ECPAS: variants seen among roughly 807,000 people sequenced by gnomAD.
ECPAS encodes the protein Ecm29 proteasome adaptor and scaffold, also known as proteasome adapter and scaffold protein ECM29.
A neutral mutation model predicts 255.1 loss-of-function variants in ECPAS; 70 were observed. That is an observed-to-expected ratio of 0.27 (90% CI 0.23 to 0.33). The LOEUF (loss-of-function observed/expected upper bound fraction) is 0.33. Among genes scored for constraint, ECPAS ranks in the 10% least tolerant of loss-of-function variants. ECPAS has a pLI of 1.00. For missense variants in ECPAS, 1,817 were observed against 2,206.4 expected (o/e 0.82, Z 3.54); for synonymous variants, 784 against 775.0 (o/e 1.01, Z -0.19).
At position 111,393,698 on chromosome 9, in the gene ECPAS, C is replaced by T. The variant is rs372614104; in HGVS notation, c.2959G>A (p.Val987Ile). 1 of 1,584,736 alleles carries T rather than the reference C, an allele frequency of 6.3e-7. No individual in the cohort carries two copies. The change falls in exon 27 of 50, where the codon GTT becomes ATT. Residue 987 changes from valine to isoleucine, a missense_variant. Physicochemically the swap from Val to Ile is conservative, Grantham distance 29 (BLOSUM62 3). Around this residue, in one of 4 missense-constraint regions of ECPAS, gnomAD observed 960 missense variants for 1,179.0 expected, o/e 0.81. Transcript: ENST00000684092. Reference sequence around the variant, plus strand: ...AACCTACCATCATTTTCTGATAGAACTGAAACAAATGCACTTTGAATTTCT... The same window carrying T: ...AACCTACCATCATTTTCTGATAGAATTGAAACAAATGCACTTTGAATTTCT... The part of the protein sequence containing the change: ...LKEIQSAFVS[V>I]LSENDELSQD...
At chr9:111,405,719 G>A (rs546888111) in intron 24 of ECPAS, among the ~76,000 whole-genome samples, 1 of 149,528 alleles carries the variant, frequency 6.7e-6, no homozygotes, top group South Asian at 2.1e-4. Context: ...ATTTGAAAAG[G>A]GACAAAAGAT....
chr9:111,394,682 G>A (rs2098165060), intron 25 of ECPAS, among the ~76,000 whole-genome samples: 1 of 151,882 alleles, frequency 6.6e-6, no homozygotes, highest in Non-Finnish European at 1.5e-5. Flanking sequence ...ATTACTCCAG[G>A]GTTTCTCAAC....
chr9:111,381,266 CAG>C (rs2098140241), intron 35 of ECPAS, among the ~76,000 whole-genome samples: 1 of 152,100 alleles, frequency 6.6e-6, no homozygotes, highest in Admixed American at 6.5e-5. Flanking sequence ...TGTTGTGTCT[CAG>C]GGAATGAGAC....
intron 38 of ECPAS, among the ~76,000 whole-genome samples, chr9:111,374,841 C>T (rs2098131522): frequency 6.6e-6 from 1 of 152,112 alleles, no homozygotes; most frequent in Non-Finnish European, 1.5e-5. Context: ...CCATGAACTG[C>T]TAATGAATGA....
At chr9:111,417,090 A>G (rs900022459) in intron 17 of ECPAS, among the ~76,000 whole-genome samples, 5 of 152,112 alleles carry the variant, frequency 3.3e-5, no homozygotes, top group African/African-American at 1.2e-4. Flanking sequence ...AAATAAAAAA[A>G]TTAGCCAGGC....
chr9:111,473,792 C>A (rs1262262889), intron 1 of ECPAS, among the ~76,000 whole-genome samples: 1 of 152,156 alleles, frequency 6.6e-6, no homozygotes, highest in African/African-American at 2.4e-5. Context: ...CATAGCCAAA[C>A]CCCGTCTCTA....
chr9:111,376,610 A>T (rs1318939649), intron 36 of ECPAS, 69 bp from the exon 37 acceptor site: 3 of 1,173,884 alleles, frequency 2.6e-6, no homozygotes, highest in Non-Finnish European at 3.7e-6. Context: ...AAACACCCAT[A>T]AAAGACTTTC....
chr9:111,444,747 G>A (rs936960183), intron 3 of ECPAS, among the ~76,000 whole-genome samples: 1 of 152,118 alleles, frequency 6.6e-6, no homozygotes, highest in Admixed American at 6.5e-5. Flanking sequence ...GTCTTGCTCT[G>A]TCGTGCAGGC....
intron 33 of ECPAS, among the ~76,000 whole-genome samples, 157 bp from the exon 34 acceptor site, chr9:111,384,726 C>T (rs78642551): frequency 0.011 from 1,710 of 152,306 alleles, 22 homozygotes; most frequent in Middle Eastern, 0.024. Flanking sequence ...ATCAGACTCT[C>T]TGCCCATCAA....
At chr9:111,476,781 G>C (rs2098296801) in intron 1 of ECPAS, among the ~76,000 whole-genome samples, 1 of 151,956 alleles carries the variant, frequency 6.6e-6, no homozygotes, top group Non-Finnish European at 1.5e-5. Flanking sequence ...TCCTGCCTCA[G>C]CCTCCTGAGT....
intron 35 of ECPAS, among the ~76,000 whole-genome samples, chr9:111,382,510 C>T (rs1298082570): frequency 4.6e-5 from 7 of 151,874 alleles, no homozygotes; most frequent in African/African-American, 7.3e-5. Flanking sequence ...TCAAGTGATC[C>T]GCCCACCTCG....
chr9:111,477,061 C>A (rs1352195665), intron 1 of ECPAS, among the ~76,000 whole-genome samples: 2 of 152,054 alleles, frequency 1.3e-5, no homozygotes, highest in African/African-American at 2.4e-5. Flanking sequence ...CTCAGCCTCC[C>A]AAAGTGCTGG....
rs776647851 is a variant in ECPAS at position 111,375,111 on chromosome 9, AC to A, written c.4110+1del. 1 of 1,606,914 alleles carries A rather than the reference AC, an allele frequency of 6.2e-7. No individual in the cohort carries two copies. The highest frequency in any genetic ancestry group is 8.5e-7 in the Non-Finnish European group (1 of 1,174,040). ...ATTTCCTCTTGTGGAAAGTACACTT[AC>A]CTTAGTTCCAAGACCTACACCACTT... On this transcript the variant is annotated splice_donor_variant, in intron 38 of 49. Transcript: ENST00000684092. LOFTEE classifies it high-confidence loss of function.
At chr9:111,385,278 T>A (rs1198588049) in intron 33 of ECPAS, 59 bp downstream of exon 33, 1 of 861,522 alleles carries the variant, frequency 1.2e-6, no homozygotes, top group Non-Finnish European at 1.8e-6. Context: ...AACATAAATA[T>A]TTTAATAATT....
chr9:111,381,731 T>C (rs934094790), intron 35 of ECPAS, among the ~76,000 whole-genome samples: 3 of 152,190 alleles, frequency 2.0e-5, no homozygotes, highest in African/African-American at 7.2e-5. Context: ...ATAATACCAT[T>C]TTCACACTTT....
chr9:111,397,478 T>C (rs1313205358), intron 24 of ECPAS, among the ~76,000 whole-genome samples: 3 of 152,218 alleles, frequency 2.0e-5, no homozygotes, highest in African/African-American at 4.8e-5. Flanking sequence ...TTTGAAGCCA[T>C]GTAAGTCTCA....
chr9:111,458,242 G>T (rs2098269221), intron 2 of ECPAS, among the ~76,000 whole-genome samples: 1 of 152,088 alleles, frequency 6.6e-6, no homozygotes, highest in Non-Finnish European at 1.5e-5. Flanking sequence ...ACCTCTCTAA[G>T]GTTATTAATG....
chr9:111,402,787 T>C (rs12346691), intron 24 of ECPAS, among the ~76,000 whole-genome samples: 4,321 of 152,124 alleles, frequency 0.028, 215 homozygotes, highest in African/African-American at 0.098. Flanking sequence ...CTGAACCCCT[T>C]AGGGAAACCA....
At chr9:111,442,714 T>C (rs1432797389) in intron 4 of ECPAS, among the ~76,000 whole-genome samples, 1 of 152,198 alleles carries the variant, frequency 6.6e-6, no homozygotes, top group Non-Finnish European at 1.5e-5. Flanking sequence ...AAAGAAATAA[T>C]CAACCTATTT....
Sources: gnomAD v4.1 joint callset for allele counts (sites outside exome capture counted in the v4.1 genomes callset) on GRCh38, gnomAD v4.1.1 for gene constraint, gnomAD v4.1.1 regional missense constraint, MANE v1.5 for transcripts, NCBI Gene and HGNC (gene_info 2026-07-23, HGNC 2026-07-21) for gene names.